CERT1: variants seen among roughly 807,000 people sequenced by gnomAD.
The protein encoded by CERT1 is ceramide transporter 1, also known as ceramide transfer protein.
In CERT1, 31 loss-of-function variants were observed where a neutral mutation model predicts 87.9. The ratio of observed to expected loss-of-function variants is 0.35; its 90% CI spans 0.27 to 0.48. The LOEUF (loss-of-function observed/expected upper bound fraction) is 0.48. Among genes scored for constraint, CERT1 ranks in the 20% least tolerant of loss-of-function variants. The pLI is 0.99. For missense variants in CERT1, 487 were observed against 758.0 expected, an observed-to-expected ratio of 0.64 and a Z score of 4.20; for synonymous variants, 289 against 250.9, an observed-to-expected ratio of 1.15 and a Z score of -1.44.
chr5:75,506,173 G>A, intron 1 of CERT1, 57 bp from the exon 2 acceptor site: 1 of 1,548,466 alleles, frequency 6.5e-7, no homozygotes. Flanking sequence ...AAGTATTTTA[G>A]AAATCCAAAC....
chr5:75,480,295 G>A (rs146998957), intron 2 of CERT1, among the ~76,000 whole-genome samples: 103 of 152,074 alleles, frequency 6.8e-4, no homozygotes, highest in Non-Finnish European at 1.1e-3. Flanking sequence ...AAACAAAAAC[G>A]ATACTTAAAA....
At chr5:75,498,363 C>A (rs1767175603) in intron 2 of CERT1, among the ~76,000 whole-genome samples, 1 of 152,192 alleles carries the variant, frequency 6.6e-6, no homozygotes, top group Non-Finnish European at 1.5e-5. Flanking sequence ...CAGGGCATGT[C>A]CGAGACCTTC....
At chr5:75,429,197 A>AATAATAATT (rs1340951985) in intron 3 of CERT1, among the ~76,000 whole-genome samples, 3 of 146,714 alleles carry the variant, frequency 2.0e-5, no homozygotes, top group African/African-American at 5.0e-5. Context: ...TAATAATAAT[A>AATAATAATT]ATTATTATTA....
intron 3 of CERT1, among the ~76,000 whole-genome samples, chr5:75,442,239 C>T (rs1300616427): frequency 6.6e-6 from 1 of 152,174 alleles, no homozygotes; most frequent in Non-Finnish European, 1.5e-5. Context: ...GCTTACATTT[C>T]ACTTCAGAGG....
intron 3 of CERT1, among the ~76,000 whole-genome samples, chr5:75,432,440 T>G (rs538985353): frequency 2.0e-5 from 3 of 152,378 alleles, no homozygotes; most frequent in African/African-American, 7.2e-5. Context: ...GAGATGGTTC[T>G]GATTTACATT....
intron 2 of CERT1, among the ~76,000 whole-genome samples, chr5:75,482,247 T>C (rs1057113521): frequency 6.6e-6 from 1 of 152,102 alleles, no homozygotes; most frequent in African/African-American, 2.4e-5. Flanking sequence ...CCTTGGACCT[T>C]GAGTGAACAT....
chr5:75,419,895 C>CTGTA (rs1561249672), intron 5 of CERT1, among the ~76,000 whole-genome samples: 2 of 152,222 alleles, frequency 1.3e-5, no homozygotes, highest in African/African-American at 4.8e-5. Context: ...CATTTCCACT[C>CTGTA]TGTAAGAGGA....
intron 2 of CERT1, among the ~76,000 whole-genome samples, chr5:75,469,515 G>T (rs1337204464): frequency 6.6e-6 from 1 of 151,936 alleles, no homozygotes; most frequent in Admixed American, 6.5e-5. Flanking sequence ...GTAGTAAAAA[G>T]AGTTTATTTT....
intron 2 of CERT1, among the ~76,000 whole-genome samples, chr5:75,463,353 A>G (rs1765319176): frequency 6.6e-6 from 1 of 152,166 alleles, no homozygotes; most frequent in Non-Finnish European, 1.5e-5. Flanking sequence ...CCATTGTTTT[A>G]TCTATGATTT....
chr5:75,438,917 A>G (rs981932788), intron 3 of CERT1, among the ~76,000 whole-genome samples: 6 of 149,696 alleles, frequency 4.0e-5, no homozygotes, highest in South Asian at 4.4e-4. Flanking sequence ...ATATTAGGAC[A>G]TATCTTTTTT....
intron 3 of CERT1, among the ~76,000 whole-genome samples, chr5:75,450,195 C>T (rs1415721436): frequency 6.6e-6 from 1 of 152,024 alleles, no homozygotes; most frequent in Non-Finnish European, 1.5e-5. Flanking sequence ...CTGAATGTAC[C>T]CTCCTCCTGG....
At chr5:75,390,147 CATATCTTTGCCT>C (rs1406062993) in intron 11 of CERT1, among the ~76,000 whole-genome samples, 3 of 151,996 alleles carry the variant, frequency 2.0e-5, no homozygotes, top group African/African-American at 7.2e-5. Context: ...AGAGAGAGAG[CATATCTTTGCCT>C]ATATCTTTGC....
chr5:75,431,376 T>C (rs1244198742), intron 3 of CERT1, among the ~76,000 whole-genome samples: 1 of 152,190 alleles, frequency 6.6e-6, no homozygotes, highest in Non-Finnish European at 1.5e-5. Context: ...ATCCATTTCA[T>C]GAAGAAGGGA....
rs199513382 is a variant in CERT1, at chr5:75,419,365, T to C, written c.655A>G (p.Ser219Gly). The C allele has an allele frequency of 6.2e-6, 10 of 1,612,150 alleles. No homozygotes were observed. The Admixed American group carries it at 8.3e-5, about 13-fold the overall frequency. Residue 219 changes from serine (S) to glycine (G), a missense_variant, in exon 6 of 17, where the codon AGT (serine) becomes GGT (glycine). Transcript: ENST00000643780. The part of the protein sequence containing the change: ...TTRSDGDFLH[S>G]TNGNKEKLFP... ...CACTTTTCTTTATTGCCGTTGGTAC[T>C]ATGCAAGAAGTCACCATCAGAACGC...
intron 3 of CERT1, among the ~76,000 whole-genome samples, chr5:75,447,386 C>A (rs1172860984): frequency 1.3e-5 from 2 of 151,796 alleles, no homozygotes; most frequent in Non-Finnish European, 2.9e-5. Flanking sequence ...GAAAAATATA[C>A]CGTTGTCTGG....
chr5:75,393,603 A>AAAAAAAAAAAAAAAAAAAAAAC (rs1762117335), intron 11 of CERT1, among the ~76,000 whole-genome samples: 1 of 53,342 alleles, frequency 1.9e-5, no homozygotes, highest in Non-Finnish European at 3.2e-5. Flanking sequence ...TCATCTACTT[A>AAAAAAAAAAAAAAAAAAAAAAC]AAAAAAAAAA....
chr5:75,493,805 G>A (rs944079987), intron 2 of CERT1, among the ~76,000 whole-genome samples: 1 of 151,784 alleles, frequency 6.6e-6, no homozygotes. Flanking sequence ...AGAACTCCTG[G>A]ATTATTTCCT....
At chr5:75,495,309 A>G (rs1767005151) in intron 2 of CERT1, among the ~76,000 whole-genome samples, 1 of 152,096 alleles carries the variant, frequency 6.6e-6, no homozygotes, top group Non-Finnish European at 1.5e-5. Flanking sequence ...GTAATCCCAG[A>G]ACTTTGGGAG....
chr5:75,426,496 CTA>C lies in CERT1; in HGVS notation c.349-20_349-19del, dbSNP rs1187296454. 2.6e-6 allele frequency: 4 copies of C among 1,528,360 alleles called. No individual in the cohort carries two copies. The highest frequency in any genetic ancestry group is 3.6e-6 in the Non-Finnish European group (4 of 1,106,688). The allele number at this position is 1,528,360 out of a possible 1,614,324, so 94.7% of individuals were successfully genotyped here. On this transcript the variant is annotated intron_variant, in intron 3 of 16. Transcript: ENST00000643780. ...GATTCAGTCTAAAAAAAAAAGTAAA[CTA>C]TGTGAAAAGAATTTAAATAAAAAAT...
Sources: allele counts gnomAD v4.1 joint callset (sites outside exome capture counted in the v4.1 genomes callset), GRCh38; gene constraint gnomAD v4.1.1; transcripts MANE v1.5; gene names NCBI Gene and HGNC (gene_info 2026-07-23, HGNC 2026-07-21).